The following AKAP19 variants were observed in gnomAD, a reference collection of about 807,000 sequenced individuals.
AKAP19 encodes the protein A-kinase anchoring protein 19.
the AKAP19 span, among the ~76,000 whole-genome samples, chr2:189,978,558 A>C: frequency 6.6e-6 from 1 of 152,222 alleles, no homozygotes; most frequent in Admixed American, 6.5e-5. Context: ...CGAAGTTTGC[A>C]GTGAGCTGAG....
At chr2:189,917,238 A>G in the AKAP19 span, 2 of 1,163,484 alleles carry the variant, frequency 1.7e-6, no homozygotes, top group Non-Finnish European at 2.4e-6. Flanking sequence ...CCTTTCATCA[A>G]GCTTTTACAA....
chr2:189,956,120 C>T, the AKAP19 span, among the ~76,000 whole-genome samples: 2 of 150,640 alleles, frequency 1.3e-5, no homozygotes, highest in African/African-American at 2.4e-5. Context: ...GGGTCATTTT[C>T]AAATGATAAT....
At chr2:189,885,967 C>A in the AKAP19 span, among the ~76,000 whole-genome samples, 3 of 152,068 alleles carry the variant, frequency 2.0e-5, no homozygotes, top group Non-Finnish European at 4.4e-5. Flanking sequence ...CACCACCAAG[C>A]CCAGCTAATT....
chr2:190,002,433 G>A, the AKAP19 span, among the ~76,000 whole-genome samples: 1 of 152,052 alleles, frequency 6.6e-6, no homozygotes. Flanking sequence ...AGGCAGCCCT[G>A]GTGGCCCAGT....
chr2:190,018,852 G>C, the AKAP19 span, among the ~76,000 whole-genome samples: 1 of 152,156 alleles, frequency 6.6e-6, no homozygotes, highest in African/African-American at 2.4e-5. Context: ...AAGAACCCTG[G>C]GCAGGCAGAG....
the AKAP19 span, among the ~76,000 whole-genome samples, chr2:190,084,562 A>G: frequency 7.2e-5 from 11 of 152,318 alleles, no homozygotes; most frequent in African/African-American, 2.6e-4. Context: ...CACGTAGTCA[A>G]AAAACACAAT....
At chr2:189,894,565 G>GTC in the AKAP19 span, among the ~76,000 whole-genome samples, 1 of 151,680 alleles carries the variant, frequency 6.6e-6, no homozygotes, top group African/African-American at 2.4e-5. Context: ...ACCTCATCTG[G>GTC]TCTCTGTCTT....
the AKAP19 span, among the ~76,000 whole-genome samples, chr2:190,016,192 G>C: frequency 6.6e-6 from 1 of 152,142 alleles, no homozygotes; most frequent in Non-Finnish European, 1.5e-5. Flanking sequence ...AACTGTATTA[G>C]TTCATTTTCA....
chr2:190,074,169 T>G, the AKAP19 span, among the ~76,000 whole-genome samples: 1 of 152,184 alleles, frequency 6.6e-6, no homozygotes, highest in Non-Finnish European at 1.5e-5. Flanking sequence ...TAAAATGCCT[T>G]TCTCTTTATT....
At chr2:190,164,529 CAAAT>C in the AKAP19 span, among the ~76,000 whole-genome samples, 26 of 151,780 alleles carry the variant, frequency 1.7e-4, no homozygotes, top group Admixed American at 1.6e-3. Flanking sequence ...GACTCTGTCT[CAAAT>C]AAATAAATAA....
At chr2:190,167,868 T>G in the AKAP19 span, among the ~76,000 whole-genome samples, 1 of 152,172 alleles carries the variant, frequency 6.6e-6, no homozygotes, top group African/African-American at 2.4e-5. Flanking sequence ...TGGCGTTCAG[T>G]GTATGTGGCT....
the AKAP19 span, among the ~76,000 whole-genome samples, chr2:189,981,277 T>A: frequency 6.8e-6 from 1 of 147,180 alleles, no homozygotes; most frequent in Non-Finnish European, 1.5e-5. Flanking sequence ...CTTTGTCTTT[T>A]TTTTTTTTTT....
chr2:190,013,692 T>C, the AKAP19 span, among the ~76,000 whole-genome samples: 1 of 151,294 alleles, frequency 6.6e-6, no homozygotes, highest in East Asian at 1.9e-4. Flanking sequence ...ATTTTTTGTA[T>C]TTTTTTTAGT....
At chr2:190,038,394 C>T in the AKAP19 span, among the ~76,000 whole-genome samples, 1 of 151,944 alleles carries the variant, frequency 6.6e-6, no homozygotes, top group African/African-American at 2.4e-5. Context: ...GTGTAGATGC[C>T]CTTAGTCTAG....
the AKAP19 span, among the ~76,000 whole-genome samples, chr2:190,188,773 C>T: frequency 1.3e-5 from 2 of 152,306 alleles, no homozygotes; most frequent in East Asian, 3.9e-4. Context: ...AGATGCTTCA[C>T]ATGAACTTTT....
the AKAP19 span, among the ~76,000 whole-genome samples, chr2:190,006,810 A>T: frequency 2.0e-5 from 3 of 151,936 alleles, no homozygotes; most frequent in African/African-American, 4.8e-5. Flanking sequence ...CGAGGTCAGG[A>T]GATCGAGACT....
At chr2:189,941,736 A>G in the AKAP19 span, among the ~76,000 whole-genome samples, 2 of 152,220 alleles carry the variant, frequency 1.3e-5, no homozygotes, top group Admixed American at 1.3e-4. Context: ...TTAACCACAG[A>G]GGAAGACAGG....
the AKAP19 span, among the ~76,000 whole-genome samples, chr2:189,954,081 G>C: frequency 1.3e-5 from 2 of 152,180 alleles, no homozygotes; most frequent in African/African-American, 4.8e-5. Context: ...CTGTCAGTGG[G>C]AAGGCAAGAG....
chr2:189,925,696 T>TA, the AKAP19 span, among the ~76,000 whole-genome samples: 2 of 152,112 alleles, frequency 1.3e-5, no homozygotes, highest in African/African-American at 4.8e-5. Flanking sequence ...TGAGACGCCC[T>TA]AACCCAAGGT....
Sources: allele counts gnomAD v4.1 joint callset (sites outside exome capture counted in the v4.1 genomes callset), GRCh38; gene constraint gnomAD v4.1.1; transcripts MANE v1.5; gene names NCBI Gene and HGNC (gene_info 2026-07-23, HGNC 2026-07-21).